FAM193A: variants seen among roughly 807,000 people sequenced by gnomAD.
The protein encoded by FAM193A is family with sequence similarity 193 member A.
Under a neutral mutation model 126.5 loss-of-function variants are expected in FAM193A, and 22 were observed. The observed-to-expected ratio is 0.17, with a 90% CI of 0.12 to 0.25. FAM193A has a LOEUF of 0.25. Among genes scored for constraint, FAM193A ranks in the 10% least tolerant of loss-of-function variants. The probability of loss-of-function intolerance (pLI) is 1.00; values close to 1 mark genes in which losing one functional copy is unlikely to be tolerated. For synonymous variants in FAM193A, 761 were observed against 646.8 expected (o/e 1.18, Z -2.68); for missense variants, 1,675 against 1,672.8 (o/e 1.00, Z -0.02).
rs78387388 is a variant in FAM193A, at chr4:2,657,267, A to C, written c.1312-536A>C. 2.3e-4 allele frequency among the ~76,000 whole-genome samples: 35 copies of C among 152,280 alleles called. No individual in the cohort carries two copies. In the East Asian group the frequency reaches 3.1e-3, roughly 13 times the overall value. On this transcript the variant is annotated intron_variant, in intron 7 of 20. Transcript: ENST00000637812. ...TTCCCCCTTTTTCAGCCTTGACAGAAGCTTACAGAACCGACTTTCGGTTTT... is the reference window on the plus strand; with the variant it reads ...TTCCCCCTTTTTCAGCCTTGACAGACGCTTACAGAACCGACTTTCGGTTTT...
intron 20 of FAM193A, among the ~76,000 whole-genome samples, chr4:2,719,399 C>T (rs1449436434): frequency 6.6e-6 from 1 of 152,074 alleles, no homozygotes; most frequent in East Asian, 1.9e-4. Context: ...AAGCAGTATA[C>T]CATGAGCAAA....
At chr4:2,699,452 A>ACACC (rs1717440508) in intron 18 of FAM193A, among the ~76,000 whole-genome samples, 1 of 96,420 alleles carries the variant, frequency 1.0e-5, no homozygotes, top group African/African-American at 3.6e-5. Flanking sequence ...CCCCCCACAC[A>ACACC]CACACACACA....
chr4:2,693,084 C>T (rs1457062858), intron 15 of FAM193A, among the ~76,000 whole-genome samples: 2 of 151,992 alleles, frequency 1.3e-5, no homozygotes, highest in East Asian at 1.9e-4. Context: ...AGTCTTGCTC[C>T]GTCACCCAGG....
intron 12 of FAM193A, among the ~76,000 whole-genome samples, chr4:2,668,042 C>G (rs1367417906): frequency 6.6e-6 from 1 of 151,658 alleles, no homozygotes; most frequent in South Asian, 2.1e-4. Context: ...TAAGCTGGGA[C>G]TATAGGCATG....
At chr4:2,557,612 T>C (rs1393537410) in intron 1 of FAM193A, among the ~76,000 whole-genome samples, 1 of 152,142 alleles carries the variant, frequency 6.6e-6, no homozygotes, top group African/African-American at 2.4e-5. Flanking sequence ...AATATTCAGA[T>C]TTATAGTATG....
chr4:2,602,850 T>G (rs1324157551), intron 2 of FAM193A, among the ~76,000 whole-genome samples: 2 of 146,936 alleles, frequency 1.4e-5, no homozygotes, highest in South Asian at 4.3e-4. Context: ...TTAGTAGAGA[T>G]TGGGTTTCAC....
At chr4:2,669,241 C>G (rs1713509362) in intron 12 of FAM193A, among the ~76,000 whole-genome samples, 1 of 152,146 alleles carries the variant, frequency 6.6e-6, no homozygotes, top group Non-Finnish European at 1.5e-5. Context: ...TTGTTTTTAC[C>G]TTCCTTTAAT....
chr4:2,581,146 A>G (rs1353950785), intron 1 of FAM193A, among the ~76,000 whole-genome samples: 1 of 151,830 alleles, frequency 6.6e-6, no homozygotes, highest in Non-Finnish European at 1.5e-5. Context: ...AACAACAAAA[A>G]AAAAACCACT....
chr4:2,586,456 T>C (rs1264321402), intron 1 of FAM193A, among the ~76,000 whole-genome samples: 1 of 152,116 alleles, frequency 6.6e-6, no homozygotes, highest in Non-Finnish European at 1.5e-5. Context: ...TTTGGGTATC[T>C]AGTTGTTCTG....
chr4:2,622,372 T>G (rs1742605881), intron 2 of FAM193A, among the ~76,000 whole-genome samples: 1 of 151,822 alleles, frequency 6.6e-6, no homozygotes, highest in South Asian at 2.1e-4. Context: ...CGGTGGTGTA[T>G]GTCCTGCTTC....
chr4:2,636,120 C>G (rs1166309381), intron 5 of FAM193A, among the ~76,000 whole-genome samples: 1 of 150,790 alleles, frequency 6.6e-6, no homozygotes, highest in African/African-American at 2.4e-5. Flanking sequence ...CTCGCTGTGT[C>G]CCTCATGATC....
chr4:2,587,033 A>G (rs1740277170), intron 1 of FAM193A, among the ~76,000 whole-genome samples: 3 of 151,990 alleles, frequency 2.0e-5, no homozygotes, highest in Admixed American at 6.6e-5. Context: ...GCCCTTTATA[A>G]TTTTATGTGC....
chr4:2,696,751 G>C (rs766760192), intron 18 of FAM193A, among the ~76,000 whole-genome samples, 158 bp downstream of exon 18: 12 of 152,310 alleles, frequency 7.9e-5, no homozygotes, highest in Admixed American at 1.3e-4. Flanking sequence ...GCCTGTCTCT[G>C]GTGGCCTGAA....
rs1390798101 is a variant in FAM193A at position 2,716,102 on chromosome 4, A to G, written c.4452A>G (p.Lys1484=). ...DETEREVEYF[K]RFCLDSARQT... ...CAGAGAGGGAAGTGGAATATTTCAA[A>G]AGGTAAATGTGGAGGCTGTGTCTGA... Residue 1484 remains lysine (K), a splice_region_variant and synonymous_variant, in exon 20 of 21, where the codon AAA becomes AAG. Transcript: ENST00000637812. The G allele has an allele frequency of 5.0e-6, 8 of 1,589,364 alleles. No individual in the cohort carries two copies. In the East Asian group the frequency reaches 1.8e-4, roughly 35 times the overall value.
intron 15 of FAM193A, among the ~76,000 whole-genome samples, chr4:2,691,993 A>C (rs1025915363): frequency 2.0e-5 from 3 of 152,124 alleles, no homozygotes; most frequent in Admixed American, 2.0e-4. Flanking sequence ...GCATTCATGG[A>C]GGTTAACAAG....
intron 1 of FAM193A, among the ~76,000 whole-genome samples, chr4:2,588,732 C>G (rs1041033269): frequency 6.6e-6 from 1 of 152,152 alleles, no homozygotes; most frequent in Non-Finnish European, 1.5e-5. Flanking sequence ...CTGGTCATTT[C>G]TGGGTATTGC....
Position 2,590,498 on chromosome 4 carries a change from A to C in FAM193A, c.256-5586A>C, listed in dbSNP as rs1248047044. On this transcript the variant is annotated intron_variant, in intron 1 of 20. Coordinates refer to ENST00000637812, the MANE Select transcript of FAM193A (RefSeq NM_001366318.2). ...AAACAAAAAAAAACAAAAAAAAACA[A>C]AAAAAAACAAAAAAAAAACAAAACA... 6.7e-5 allele frequency among the ~76,000 whole-genome samples: 5 copies of C among 74,480 alleles called. 1 individual carries two copies. The highest frequency in any genetic ancestry group is 2.6e-4 in the African/African-American group (3 of 11,758). The allele number at this position is 74,480 out of a possible 152,430, so 48.9% of individuals were successfully genotyped here. A position where few individuals can be genotyped will look rare whatever the true frequency, so the allele number is the denominator to read the frequency against.
At chr4:2,654,411 G>A (rs1577145221) in intron 7 of FAM193A, 1 of 86,376 alleles carries the variant, frequency 1.2e-5, no homozygotes, top group Non-Finnish European at 2.5e-5. Flanking sequence ...TGTATTTTTG[G>A]TAGAGACGGG....
chr4:2,680,942 C>T (rs999543615), intron 13 of FAM193A, among the ~76,000 whole-genome samples: 2 of 152,182 alleles, frequency 1.3e-5, no homozygotes, highest in Non-Finnish European at 2.9e-5. Context: ...GCGCCGAGCC[C>T]AGCCAGTACT....
Sources: gnomAD v4.1 joint callset for allele counts (sites outside exome capture counted in the v4.1 genomes callset) on GRCh38, gnomAD v4.1.1 for gene constraint, MANE v1.5 for transcripts, NCBI Gene and HGNC (gene_info 2026-07-23, HGNC 2026-07-21) for gene names.